The following AUTS2 variants were observed in gnomAD, a reference collection of about 807,000 sequenced individuals.
The protein encoded by AUTS2 is activator of transcription and developmental regulator AUTS2, also known as autism susceptibility gene 2 protein.
AUTS2 carries 17 observed loss-of-function variants against 112.4 expected under a neutral mutation model. The ratio of observed to expected loss-of-function variants is 0.15; its 90% confidence interval spans 0.10 to 0.23. The LOEUF (loss-of-function observed/expected upper bound fraction) is 0.23, where lower values mean the gene tolerates loss of function less well. Ranked by LOEUF, AUTS2 falls within the 10% of genes least tolerant of loss-of-function variation. AUTS2 has a pLI of 1.00. For synonymous variants in AUTS2, 751 were observed against 702.7 expected, an observed-to-expected ratio of 1.07 and a Z score of -1.09; for missense variants, 1,510 against 1,701.6, an observed-to-expected ratio of 0.89 and a Z score of 1.98.
chr7:69,940,178 T>A (rs1029664112), intron 2 of AUTS2, among the ~76,000 whole-genome samples: 5 of 152,174 alleles, frequency 3.3e-5, no homozygotes, highest in African/African-American at 1.2e-4. Flanking sequence ...GATTTGAACC[T>A]GGGCAGGCAG....
At chr7:70,197,034 T>C (rs1810211854) in intron 4 of AUTS2, among the ~76,000 whole-genome samples, 1 of 152,202 alleles carries the variant, frequency 6.6e-6, no homozygotes, top group Admixed American at 6.5e-5. Context: ...GCCACACATT[T>C]AGCTATTCAG....
intron 6 of AUTS2, among the ~76,000 whole-genome samples, chr7:70,704,539 C>G (rs142552534): frequency 1.1e-4 from 17 of 152,360 alleles, no homozygotes; most frequent in Non-Finnish European, 2.2e-4. Flanking sequence ...TCATCAGCCT[C>G]TCTTCAATCC....
chr7:69,972,664 T>G (rs1563005924), intron 2 of AUTS2, among the ~76,000 whole-genome samples: 1 of 136,620 alleles, frequency 7.3e-6, no homozygotes, highest in Non-Finnish European at 1.6e-5. Flanking sequence ...TGTGTGTGTG[T>G]GCGTGCATGT....
intron 5 of AUTS2, among the ~76,000 whole-genome samples, chr7:70,495,121 C>T (rs945749995): frequency 2.6e-5 from 4 of 151,472 alleles, no homozygotes; most frequent in East Asian, 1.9e-4. Flanking sequence ...TCCTTGGTCT[C>T]GTGCCGACCC....
At chr7:70,601,947 T>C (rs1391231846) in intron 5 of AUTS2, among the ~76,000 whole-genome samples, 2 of 152,020 alleles carry the variant, frequency 1.3e-5, no homozygotes, top group Non-Finnish European at 2.9e-5. Flanking sequence ...ACATTACAGG[T>C]GAGAAAAAAG....
rs185710160 is a variant in AUTS2 at position 70,629,459 on chromosome 7, G to A, written c.691-69110G>A. On this transcript the variant is annotated intron_variant, in intron 5 of 18. Transcript: ENST00000342771. ...TGCACTCCAGCCTGGGCGACAAAGC[G>A]AGACTCCATCTCAAAAAAAGGGAAG... Among the ~76,000 whole-genome samples the A allele has an allele frequency of 5.7e-3, 857 of 151,486 alleles. 8 individuals carry two copies. The highest frequency in any genetic ancestry group is 0.02 in the African/African-American group (808 of 41,244).
At chr7:70,437,088 A>T (rs1327424871) in intron 5 of AUTS2, 2 of 152,500 alleles carry the variant, frequency 1.3e-5, no homozygotes, top group South Asian at 2.1e-4. Context: ...CATGTGCATT[A>T]TCCATGTCAT....
chr7:69,976,605 C>G lies in AUTS2; in HGVS notation c.522+77107C>G, dbSNP rs557312508. On this transcript the variant is annotated intron_variant, in intron 2 of 18. Coordinates refer to ENST00000342771, the MANE Select transcript of AUTS2 (RefSeq NM_015570.4). Reference sequence around the variant, plus strand: ...ATCCCACCATTAGTGCACAAGTGTTCTAATTTCTCCACATCCTCTTCAATA... The same window carrying G: ...ATCCCACCATTAGTGCACAAGTGTTGTAATTTCTCCACATCCTCTTCAATA... Among the ~76,000 whole-genome samples the G allele has an allele frequency of 3.3e-4, 50 of 152,312 alleles. 1 individual carries two copies. In the South Asian group the frequency reaches 0.01, roughly 32 times the overall value.
At chr7:70,000,468 A>T (rs895716370) in intron 2 of AUTS2, among the ~76,000 whole-genome samples, 2 of 152,226 alleles carry the variant, frequency 1.3e-5, no homozygotes, top group Non-Finnish European at 2.9e-5. Context: ...AAACTGAAAG[A>T]ACAGCAGTGG....
chr7:70,410,406 A>ATTTG (rs71796823), intron 4 of AUTS2, among the ~76,000 whole-genome samples: 32 of 126,234 alleles, frequency 2.5e-4, no homozygotes, highest in African/African-American at 7.3e-4. Context: ...TCTTTTATTT[A>ATTTG]TTTATTTATT....
chr7:69,912,189 A>C (rs1795387837), intron 2 of AUTS2, among the ~76,000 whole-genome samples: 1 of 152,164 alleles, frequency 6.6e-6, no homozygotes, highest in Admixed American at 6.5e-5. Flanking sequence ...TTTCCTCTGA[A>C]ATCAGAGTGG....
chr7:70,507,293 C>T (rs1469378630), intron 5 of AUTS2, among the ~76,000 whole-genome samples: 1 of 152,064 alleles, frequency 6.6e-6, no homozygotes, highest in Non-Finnish European at 1.5e-5. Context: ...AATACCACTG[C>T]TTTGGGAGGC....
In AUTS2 at chr7:70,541,104, C is replaced by T. The variant is rs542311854; in HGVS notation, c.690+105323C>T. 9.8e-5 allele frequency among the ~76,000 whole-genome samples: 15 copies of T among 152,300 alleles called. No individual in the cohort carries two copies. The South Asian group carries it at 3.1e-3, about 32-fold the overall frequency. Reference sequence around the variant, plus strand: ...CCTTTCTACCTCTTATCCCTCCAGGCATTTGAAAGCAGGTACTTATTCCTA... The same window carrying T: ...CCTTTCTACCTCTTATCCCTCCAGGTATTTGAAAGCAGGTACTTATTCCTA... On this transcript the variant is annotated intron_variant, in intron 5 of 18. Coordinates refer to ENST00000342771, the MANE Select transcript of AUTS2 (RefSeq NM_015570.4).
chr7:70,786,402 G>T (rs1345503130), intron 17 of AUTS2, among the ~76,000 whole-genome samples: 1 of 152,156 alleles, frequency 6.6e-6, no homozygotes, highest in Non-Finnish European at 1.5e-5. Context: ...ATTTCATCTT[G>T]CCCGTGGCAT....
At chr7:70,759,757 C>G (rs1569079) in intron 6 of AUTS2, among the ~76,000 whole-genome samples, 20,652 of 152,138 alleles carry the variant, frequency 0.14, 1,882 homozygotes, top group East Asian at 0.38. Flanking sequence ...CTGTGTTATC[C>G]AAATTCTTGA....
rs556732157 is a variant in AUTS2 at position 69,668,955 on chromosome 7, A to G, written c.309+68993A>G. On this transcript the variant is annotated intron_variant, in intron 1 of 18. Transcript: ENST00000342771. ...TAGCAATTAACATAAAAGTCAGGTT[A>G]GTGATGTGGTTGGGGTGAGGGAGAT... 2.0e-5 allele frequency among the ~76,000 whole-genome samples: 3 copies of G among 152,184 alleles called. No homozygotes were observed. The East Asian group carries it at 5.8e-4, about 29-fold the overall frequency.
chr7:69,938,037 C>T (rs944753902), intron 2 of AUTS2, among the ~76,000 whole-genome samples: 1 of 152,206 alleles, frequency 6.6e-6, no homozygotes, highest in African/African-American at 2.4e-5. Context: ...TTACAGAATT[C>T]TCTGCCTTTA....
intron 2 of AUTS2, among the ~76,000 whole-genome samples, chr7:70,010,772 A>G (rs1343384118): frequency 6.6e-6 from 1 of 152,186 alleles, no homozygotes; most frequent in East Asian, 1.9e-4. Flanking sequence ...ATTATACCCA[A>G]ACTAGATATT....
chr7:70,151,886 A>T (rs1330883858), intron 4 of AUTS2, among the ~76,000 whole-genome samples: 1 of 152,216 alleles, frequency 6.6e-6, no homozygotes, highest in Non-Finnish European at 1.5e-5. Context: ...TAAGACCCAT[A>T]ATGAAGAGGA....
Sources: allele counts gnomAD v4.1 joint callset (sites outside exome capture counted in the v4.1 genomes callset), GRCh38; gene constraint gnomAD v4.1.1; transcripts MANE v1.5; gene names NCBI Gene and HGNC (gene_info 2026-07-23, HGNC 2026-07-21).